Variants in RPS6KA2 observed in about 807,000 individuals in gnomAD.
The protein encoded by RPS6KA2 is ribosomal protein S6 kinase A2, also known as ribosomal protein S6 kinase alpha-2.
In RPS6KA2, 42 loss-of-function variants were observed where a neutral mutation model predicts 91.8. That is an observed-to-expected ratio of 0.46 (90% CI 0.36 to 0.59). The LOEUF (loss-of-function observed/expected upper bound fraction) is 0.59. Among genes scored for constraint, RPS6KA2 ranks in the 20% least tolerant of loss-of-function variants. The pLI, the probability that RPS6KA2 is intolerant of heterozygous loss-of-function variation, is 0.00. For synonymous variants in RPS6KA2, 414 were observed against 393.6 expected (o/e 1.05, Z -0.61); for missense variants, 798 against 978.5 (o/e 0.82, Z 2.46).
intron 2 of RPS6KA2, among the ~76,000 whole-genome samples, chr6:166,773,440 C>A (rs903787657): frequency 2.0e-5 from 3 of 151,954 alleles, no homozygotes; most frequent in African/African-American, 7.3e-5. Context: ...CTCGCTGTGT[C>A]ACCCAGGGTG....
At chr6:166,751,540 G>C (rs1791284795) in intron 2 of RPS6KA2, among the ~76,000 whole-genome samples, 2 of 152,264 alleles carry the variant, frequency 1.3e-5, no homozygotes, top group South Asian at 2.1e-4. Flanking sequence ...ATGGCGACAG[G>C]GGCTTGAGGC....
rs1050586966 is a variant in RPS6KA2, at chr6:166,563,150, G to A, written c.100-24366C>T. ...CAATGACTGGAGGGTGGGAGTGGAC[G>A]AAGTTTATTCTGGAGACAACAAGGG... On this transcript the variant is annotated intron_variant, in intron 1 of 20. Coordinates refer to ENST00000265678, the MANE Select transcript of RPS6KA2 (RefSeq NM_021135.6). The surrounding 1 kb of genome is among the most constrained non-coding windows in gnomAD (Gnocchi z 4.1). 2.7e-4 allele frequency among the ~76,000 whole-genome samples: 41 copies of A among 152,156 alleles called. No homozygotes were observed. Among genetic ancestry groups the A allele is most frequent in the African/African-American group, 8.4e-4 (35 of 41,444 alleles).
chr6:166,581,623 C>T (rs1374259530), intron 1 of RPS6KA2, among the ~76,000 whole-genome samples: 1 of 152,138 alleles, frequency 6.6e-6, no homozygotes, highest in East Asian at 1.9e-4. Context: ...TCCTTATATT[C>T]ACTTTCTATT....
chr6:166,758,063 C>T (rs754237580), intron 2 of RPS6KA2, among the ~76,000 whole-genome samples: 1 of 152,220 alleles, frequency 6.6e-6, no homozygotes, highest in African/African-American at 2.4e-5. Context: ...GCACACCTGC[C>T]CCCACTTGCC....
intron 3 of RPS6KA2, among the ~76,000 whole-genome samples, chr6:166,515,011 C>T (rs1002480234): frequency 2.7e-4 from 41 of 152,100 alleles, no homozygotes; most frequent in African/African-American, 9.7e-4. Context: ...ATGCGAACGC[C>T]CACCCCACAG....
rs146757014 is a variant in RPS6KA2, at chr6:166,660,756, C to T, written c.124-121972G>A. On this transcript the variant is annotated intron_variant, in intron 2 of 21. Coordinates refer to the RPS6KA2 transcript ENST00000503859. ...TCTTCCCTTAGTGCTGTCTAGCAGGCGTTTCCTCGGGTTTTCTGACGGCTG... is the reference window on the plus strand; with the variant it reads ...TCTTCCCTTAGTGCTGTCTAGCAGGTGTTTCCTCGGGTTTTCTGACGGCTG... Among the ~76,000 whole-genome samples the T allele has an allele frequency of 2.5e-4, 38 of 152,258 alleles. No homozygotes were observed. In the East Asian group the frequency reaches 5.0e-3, roughly 20 times the overall value.
In RPS6KA2 at chr6:166,459,602, C is replaced by T. The variant is rs1780208725; in HGVS notation, c.973-51G>A. On this transcript the variant is annotated intron_variant, in intron 11 of 20. Transcript: ENST00000265678. The surrounding 1 kb of genome is among the most constrained non-coding windows in gnomAD (Gnocchi z 4.9). ...GGGCACTGAGGATGCACAGACATTGCCACAGAACACTGGGGACAGAGAAAC... is the reference window on the plus strand; with the variant it reads ...GGGCACTGAGGATGCACAGACATTGTCACAGAACACTGGGGACAGAGAAAC... 7.5e-7 allele frequency: 1 copy of T among 1,331,836 alleles called. No homozygotes were observed. 82.5% of individuals were successfully genotyped at this position (1,331,836 alleles called of 1,614,324 possible).
chr6:166,748,692 T>C (rs1407290705), intron 2 of RPS6KA2, among the ~76,000 whole-genome samples: 3 of 45,632 alleles, frequency 6.6e-5, no homozygotes, highest in East Asian at 1.0e-3. Context: ...CCCCATTTCC[T>C]CAGGCCCCCA....
At chr6:166,526,180 G>A (rs13206998) in intron 3 of RPS6KA2, among the ~76,000 whole-genome samples, 47,534 of 151,752 alleles carry the variant, frequency 0.31, 8,013 homozygotes, top group African/African-American at 0.44. Flanking sequence ...TCAGAAAATA[G>A]ATTCCAATGA....
At position 166,632,574 on chromosome 6, in the gene RPS6KA2, G is replaced by A. The variant is rs1013897844; in HGVS notation, c.124-93790C>T. Reference sequence around the variant, plus strand: ...TGCAGTGAGTGGAGATCATACCATTGCACTCCAGCCTGGGCAACAAGAGCG... The same window carrying A: ...TGCAGTGAGTGGAGATCATACCATTACACTCCAGCCTGGGCAACAAGAGCG... On this transcript the variant is annotated intron_variant, in intron 2 of 21. Coordinates refer to the RPS6KA2 transcript ENST00000503859. 4.7e-5 allele frequency among the ~76,000 whole-genome samples: 7 copies of A among 149,962 alleles called. 1 individual carries two copies. In the East Asian group the frequency reaches 5.9e-4, roughly 13 times the overall value.
chr6:166,613,490 A>G (rs1208775359), intron 1 of RPS6KA2, among the ~76,000 whole-genome samples: 2 of 152,176 alleles, frequency 1.3e-5, no homozygotes, highest in Non-Finnish European at 2.9e-5. Context: ...TGAGCTACTC[A>G]CCCTGCTTCA....
chr6:166,507,118 T>C (rs1287682452), intron 5 of RPS6KA2, among the ~76,000 whole-genome samples: 1 of 151,976 alleles, frequency 6.6e-6, no homozygotes, highest in Non-Finnish European at 1.5e-5. Context: ...ACAGCCCCAA[T>C]GTTCAGCCGG....
At chr6:166,631,152 T>C (rs1419742035), upstream of RPS6KA2, among the ~76,000 whole-genome samples, 1 of 152,148 alleles carries the variant, frequency 6.6e-6, no homozygotes, top group Non-Finnish European at 1.5e-5. Flanking sequence ...TCTGAGCATA[T>C]CGAAAATTTA....
intron 11 of RPS6KA2, among the ~76,000 whole-genome samples, chr6:166,467,320 C>T (rs1049592313): frequency 6.6e-6 from 1 of 152,218 alleles, no homozygotes; most frequent in African/African-American, 2.4e-5. Flanking sequence ...CTGTGGGATA[C>T]ACCTCTAAGC....
At chr6:166,609,139 G>A (rs1367833388) in intron 1 of RPS6KA2, among the ~76,000 whole-genome samples, 3 of 152,150 alleles carry the variant, frequency 2.0e-5, no homozygotes, top group Non-Finnish European at 2.9e-5. Context: ...TCCTCCCCCT[G>A]GATAAATGTC....
intron 1 of RPS6KA2, among the ~76,000 whole-genome samples, chr6:166,561,788 T>C (rs1784353145): frequency 6.6e-6 from 1 of 152,190 alleles, no homozygotes; most frequent in South Asian, 2.1e-4. Flanking sequence ...AAGAAGACGA[T>C]GGGCTGCGGG....
chr6:166,657,073 A>T (rs1284472570), intron 2 of RPS6KA2, among the ~76,000 whole-genome samples: 5 of 152,030 alleles, frequency 3.3e-5, no homozygotes, highest in Non-Finnish European at 7.4e-5. Flanking sequence ...CCCCACCCCC[A>T]ACACAGAGAC....
intron 2 of RPS6KA2, among the ~76,000 whole-genome samples, chr6:166,537,175 T>A (rs74916382): frequency 1.3e-5 from 2 of 152,266 alleles, no homozygotes; most frequent in African/African-American, 4.8e-5. Flanking sequence ...ACGATTCGGC[T>A]GATTCTGTGC....
chr6:166,692,044 T>C (rs1288896097), intron 2 of RPS6KA2, among the ~76,000 whole-genome samples: 17 of 152,100 alleles, frequency 1.1e-4, no homozygotes, highest in Admixed American at 1.1e-3. Context: ...CAGGGCGTCC[T>C]GTGTTGGGGG....
Sources: gnomAD v4.1 joint callset for allele counts (sites outside exome capture counted in the v4.1 genomes callset) on GRCh38, gnomAD v4.1.1 for gene constraint, Gnocchi (gnomAD v3.1) non-coding constraint, MANE v1.5 for transcripts, NCBI Gene and HGNC (gene_info 2026-07-23, HGNC 2026-07-21) for gene names.